The following PGCKA1 variants were observed in gnomAD, a reference collection of about 807,000 sequenced individuals.
PGCKA1 encodes PDCD10 and GCKIII kinases associated 1, also known as PDCD10 and GCKIII kinases-associated protein 1.
chr4:37,535,138 C>T, the PGCKA1 span, among the ~76,000 whole-genome samples: 1 of 152,156 alleles, frequency 6.6e-6, no homozygotes, highest in Non-Finnish European at 1.5e-5. Context: ...CAGAGTCAGC[C>T]AGATGCTATA....
the PGCKA1 span, among the ~76,000 whole-genome samples, chr4:37,545,543 A>G: frequency 1.3e-5 from 2 of 152,200 alleles, no homozygotes; most frequent in South Asian, 2.1e-4. Flanking sequence ...GGATTCTACC[A>G]TCTAAATTGG....
At chr4:37,457,958 A>C in the PGCKA1 span, among the ~76,000 whole-genome samples, 2 of 152,230 alleles carry the variant, frequency 1.3e-5, no homozygotes, top group Admixed American at 6.5e-5. Context: ...CAATACAGTG[A>C]AGGTGGTCTG....
chr4:37,571,355 C>CA, the PGCKA1 span, among the ~76,000 whole-genome samples: 23 of 78,074 alleles, frequency 2.9e-4, 1 homozygote, highest in Middle Eastern at 7.5e-3. Flanking sequence ...GACTATTATC[C>CA]TTTTTTTTTT....
At chr4:37,552,297 C>G in the PGCKA1 span, among the ~76,000 whole-genome samples, 567 of 152,330 alleles carry the variant, frequency 3.7e-3, 5 homozygotes, top group East Asian at 0.036. Flanking sequence ...TCAATCACGA[C>G]CCTTTCATGT....
the PGCKA1 span, among the ~76,000 whole-genome samples, chr4:37,520,713 C>G: frequency 0.2 from 30,695 of 151,790 alleles, 3,803 homozygotes; most frequent in African/African-American, 0.35. Context: ...TGCATCCTGG[C>G]TTCCCGCCAT....
At chr4:37,585,628 T>A in the PGCKA1 span, among the ~76,000 whole-genome samples, 7,696 of 14,878 alleles carry the variant, frequency 0.52, 2,207 homozygotes, top group African/African-American at 0.63. Context: ...AGGAGAGGGG[T>A]GAGGAGAGGT....
chr4:37,587,658 T>C, the PGCKA1 span, among the ~76,000 whole-genome samples: 3 of 152,190 alleles, frequency 2.0e-5, no homozygotes, highest in African/African-American at 7.2e-5. Flanking sequence ...ATGCAGATTC[T>C]GTTTTGGCTT....
At chr4:37,461,125 T>TGTC in the PGCKA1 span, 2 of 197,066 alleles carry the variant, frequency 1.0e-5, no homozygotes, top group South Asian at 7.5e-5. Context: ...TTGTCAGGTT[T>TGTC]ATTGAAGATC....
the PGCKA1 span, among the ~76,000 whole-genome samples, chr4:37,564,301 AAAC>A: frequency 0.03 from 4,469 of 148,298 alleles, 251 homozygotes; most frequent in East Asian, 0.12. Flanking sequence ...GAAAGAAAAA[AAAC>A]CGAATATTCT....
the PGCKA1 span, among the ~76,000 whole-genome samples, chr4:37,521,566 A>G: frequency 1.3e-5 from 2 of 152,032 alleles, no homozygotes; most frequent in Admixed American, 1.3e-4. Flanking sequence ...TATTATTTCT[A>G]TTTTTTTAAA....
At chr4:37,580,692 G>T in the PGCKA1 span, among the ~76,000 whole-genome samples, 1 of 152,214 alleles carries the variant, frequency 6.6e-6, no homozygotes, top group African/African-American at 2.4e-5. Context: ...CTAGGACTGT[G>T]CTGGGTCAGA....
the PGCKA1 span, among the ~76,000 whole-genome samples, chr4:37,538,087 G>A: frequency 1.1e-4 from 14 of 128,558 alleles, no homozygotes; most frequent in Middle Eastern, 3.6e-3. Flanking sequence ...ACACACACAC[G>A]CACACCCATG....
At chr4:37,532,261 T>TC in the PGCKA1 span, among the ~76,000 whole-genome samples, 4 of 152,344 alleles carry the variant, frequency 2.6e-5, no homozygotes, top group African/African-American at 9.6e-5. Flanking sequence ...AAATTTTTCT[T>TC]CCAATATTCA....
the PGCKA1 span, among the ~76,000 whole-genome samples, chr4:37,480,350 G>A: frequency 0.1 from 15,884 of 152,188 alleles, 1,200 homozygotes; most frequent in East Asian, 0.29. Context: ...AAAATTAGCC[G>A]GGTATGCTGG....
the PGCKA1 span, chr4:37,588,963 A>G: frequency 4.1e-6 from 5 of 1,231,852 alleles, no homozygotes; most frequent in South Asian, 1.2e-5. Context: ...GTCACTTTTA[A>G]AGACCATGCG....
the PGCKA1 span, among the ~76,000 whole-genome samples, chr4:37,532,340 A>G: frequency 6.6e-6 from 1 of 152,174 alleles, no homozygotes; most frequent in Non-Finnish European, 1.5e-5. Flanking sequence ...TCCAACATAT[A>G]TGTTCTTTGT....
the PGCKA1 span, among the ~76,000 whole-genome samples, chr4:37,541,571 C>T: frequency 3.9e-5 from 6 of 152,208 alleles, no homozygotes; most frequent in African/African-American, 1.4e-4. Flanking sequence ...ACATTAATAA[C>T]AATTAGCCAC....
chr4:37,583,739 C>G, the PGCKA1 span, among the ~76,000 whole-genome samples: 1 of 152,170 alleles, frequency 6.6e-6, no homozygotes, highest in Admixed American at 6.5e-5. Flanking sequence ...CAGAAGCAGG[C>G]GGCAGCAGCA....
At chr4:37,549,039 C>T in the PGCKA1 span, among the ~76,000 whole-genome samples, 21 of 140,656 alleles carry the variant, frequency 1.5e-4, no homozygotes, top group Non-Finnish European at 2.8e-4. Context: ...GCTCTCTCTG[C>T]TATATCCCGG....
Sources: gnomAD v4.1 joint callset for allele counts (sites outside exome capture counted in the v4.1 genomes callset) on GRCh38, gnomAD v4.1.1 for gene constraint, MANE v1.5 for transcripts, NCBI Gene and HGNC (gene_info 2026-07-23, HGNC 2026-07-21) for gene names.